Variants in DLGAP4 observed in about 807,000 individuals in gnomAD.
DLGAP4 encodes disks large-associated protein 4.
A neutral mutation model predicts 86.9 loss-of-function variants in DLGAP4; 18 were observed. The observed-to-expected ratio is 0.21, with a 90% CI of 0.14 to 0.31. The LOEUF is 0.31. DLGAP4 is among the 10% of genes least tolerant of loss of function. The pLI, the probability that DLGAP4 is intolerant of heterozygous loss-of-function variation, is 1.00. For missense variants in DLGAP4, 1,085 were observed against 1,362.6 expected (o/e 0.80, Z 3.21); for synonymous variants, 548 against 574.3 (o/e 0.95, Z 0.65).
In DLGAP4 at chr20:36,355,478, G is replaced by C. The variant is rs187657074; in HGVS notation, c.-303-11567G>C. ...TGCCCAGCTAATTTTTGTGGTTTTC[G>C]TAGAGGCATGGTTTCACCATTTTGC... On this transcript the variant is annotated intron_variant, in intron 1 of 12. Coordinates refer to ENST00000339266, the MANE Select transcript of DLGAP4 (RefSeq NM_001365621.2). Among the ~76,000 whole-genome samples, 300 of 152,024 alleles carry C rather than the reference G, an allele frequency of 2.0e-3. 5 individuals carry two copies. Among genetic ancestry groups the C allele is most frequent in the Admixed American group, 0.018 (274 of 15,270 alleles).
intron 8 of DLGAP4, chr20:36,499,255 GGAAC>G: frequency 6.2e-7 from 1 of 1,613,512 alleles, no homozygotes; most frequent in Non-Finnish European, 8.5e-7. Context: ...AGGACTAGAA[GGAAC>G]GGTTCCCACC....
chr20:36,409,489 T>C (rs1600493388), intron 2 of DLGAP4, among the ~76,000 whole-genome samples: 1 of 149,324 alleles, frequency 6.7e-6, no homozygotes, highest in African/African-American at 2.5e-5. Context: ...TATGGGAGGC[T>C]GAGGCGGGCA....
chr20:36,323,505 GAT>G (rs1237622546), intron 1 of DLGAP4, among the ~76,000 whole-genome samples: 1 of 152,108 alleles, frequency 6.6e-6, no homozygotes, highest in Non-Finnish European at 1.5e-5. Flanking sequence ...TTCTATTGTT[GAT>G]AGACTTTTGG....
intron 2 of DLGAP4, among the ~76,000 whole-genome samples, chr20:36,415,695 CAAG>C (rs2032633572): frequency 6.6e-6 from 1 of 152,160 alleles, no homozygotes; most frequent in Non-Finnish European, 1.5e-5. Flanking sequence ...GATTCAAACT[CAAG>C]AAGGCTGGCT....
At chr20:36,521,638 A>C (rs2037385470) in intron 10 of DLGAP4, among the ~76,000 whole-genome samples, 1 of 152,170 alleles carries the variant, frequency 6.6e-6, no homozygotes, top group Non-Finnish European at 1.5e-5. Flanking sequence ...GCTACTCAGG[A>C]CAAGTCCTCA....
At chr20:36,358,533 G>A (rs1401449059) in intron 1 of DLGAP4, among the ~76,000 whole-genome samples, 4 of 152,244 alleles carry the variant, frequency 2.6e-5, no homozygotes, top group Non-Finnish European at 5.9e-5. Flanking sequence ...TTGGCTGGGC[G>A]CAGTGGCTCA....
intron 7 of DLGAP4, among the ~76,000 whole-genome samples, chr20:36,473,606 G>A (rs1190110221): frequency 2.6e-5 from 4 of 152,140 alleles, no homozygotes; most frequent in Non-Finnish European, 4.4e-5. Context: ...TATCAATTTT[G>A]TTGCTAGACC....
chr20:36,341,617 C>G (rs562783218), intron 1 of DLGAP4, among the ~76,000 whole-genome samples: 14 of 152,240 alleles, frequency 9.2e-5, no homozygotes, highest in Non-Finnish European at 1.9e-4. Context: ...CTGAAGGGCA[C>G]GCGGCTCCCG....
intron 2 of DLGAP4, among the ~76,000 whole-genome samples, chr20:36,398,267 G>T (rs568104509): frequency 6.6e-6 from 1 of 152,166 alleles, no homozygotes. Context: ...TTCCTGATCC[G>T]GTCTGTGTGT....
intron 7 of DLGAP4, among the ~76,000 whole-genome samples, chr20:36,477,112 T>G (rs2034981303): frequency 6.6e-6 from 1 of 151,864 alleles, no homozygotes; most frequent in African/African-American, 2.4e-5. Context: ...TTTTCTTTTT[T>G]TTTTTTAAGA....
intron 1 of DLGAP4, among the ~76,000 whole-genome samples, chr20:36,365,552 G>C (rs2030656801): frequency 6.6e-6 from 1 of 152,190 alleles, no homozygotes; most frequent in African/African-American, 2.4e-5. Context: ...AGGTGCCTGG[G>C]TTGGAGGCCC....
At chr20:36,407,759 G>A (rs1307385097) in intron 2 of DLGAP4, among the ~76,000 whole-genome samples, 2 of 152,174 alleles carry the variant, frequency 1.3e-5, no homozygotes, top group Non-Finnish European at 2.9e-5. Context: ...AACCAAGGCA[G>A]AGGAAACACA....
In DLGAP4 at chr20:36,343,687, T is replaced by G. The variant is rs536698238; in HGVS notation, c.-303-23358T>G. Among the ~76,000 whole-genome samples, 26 of 152,230 alleles carry G rather than the reference T, an allele frequency of 1.7e-4. No individual in the cohort carries two copies. The South Asian group carries it at 5.4e-3, about 32-fold the overall frequency. On this transcript the variant is annotated intron_variant, in intron 1 of 12. Coordinates refer to ENST00000339266, the MANE Select transcript of DLGAP4 (RefSeq NM_001365621.2). ...TGTCTGCACGCATGCATGCACACAC[T>G]TCACTCAGCAGGAAATTTGGGACAG...
At chr20:36,384,454 A>G (rs932044896) in intron 2 of DLGAP4, among the ~76,000 whole-genome samples, 5 of 152,182 alleles carry the variant, frequency 3.3e-5, no homozygotes, top group Admixed American at 1.3e-4. Context: ...GTATTATGCC[A>G]TTTATTTCTA....
chr20:36,509,337 G>A (rs2036558425), intron 10 of DLGAP4, among the ~76,000 whole-genome samples: 1 of 152,134 alleles, frequency 6.6e-6, no homozygotes, highest in Non-Finnish European at 1.5e-5. Flanking sequence ...TTGGGAGGCC[G>A]AGGCGGGAGG....
At position 36,499,677 on chromosome 20, in the gene DLGAP4, G is replaced by T. The variant is rs1331829194; in HGVS notation, c.2099+1G>T. 3.1e-6 allele frequency: 5 copies of T among 1,613,072 alleles called. No individual in the cohort carries two copies. Among genetic ancestry groups the T allele is most frequent in the Non-Finnish European group, 4.2e-6 (5 of 1,179,646 alleles). On this transcript the variant is annotated splice_donor_variant, in intron 9 of 12. Transcript: ENST00000339266. LOFTEE classifies it high-confidence loss of function. Reference sequence around the variant, plus strand: ...GGGTTCAGGTAGAGGACGACTGGCGGTAAGTCGGACAGAGGTGGCGGCTGC... The same window carrying T: ...GGGTTCAGGTAGAGGACGACTGGCGTTAAGTCGGACAGAGGTGGCGGCTGC...
rs143285761 is a variant in DLGAP4, at chr20:36,475,921, G to A, written c.1649-20784G>A. 5.8e-3 allele frequency among the ~76,000 whole-genome samples: 875 copies of A among 151,966 alleles called. 10 individuals carry two copies. The highest frequency in any genetic ancestry group is 0.02 in the African/African-American group (843 of 41,434). On this transcript the variant is annotated intron_variant, in intron 7 of 12. Coordinates refer to ENST00000339266, the MANE Select transcript of DLGAP4 (RefSeq NM_001365621.2). ...GTCGCCCAGGCTGGAGTGCAGTGGC[G>A]CAGTTTCGGCTCACTGCAACCTTCG...
At chr20:36,318,247 TCCTGGGTCACAG>T (rs1431667464) in intron 1 of DLGAP4, among the ~76,000 whole-genome samples, 2 of 151,892 alleles carry the variant, frequency 1.3e-5, no homozygotes. Flanking sequence ...TCTGGGTAGG[TCCTGGGTCACAG>T]CCTGACACCA....
chr20:36,406,346 C>T (rs984498452), intron 2 of DLGAP4, among the ~76,000 whole-genome samples: 22 of 144,398 alleles, frequency 1.5e-4, no homozygotes, highest in African/African-American at 5.7e-4. Flanking sequence ...TGCAGTGAGC[C>T]GAGATTGCGC....
Sources: gnomAD v4.1 joint callset for allele counts (sites outside exome capture counted in the v4.1 genomes callset) on GRCh38, gnomAD v4.1.1 for gene constraint, MANE v1.5 for transcripts, NCBI Gene and HGNC (gene_info 2026-07-23, HGNC 2026-07-21) for gene names.